The following GIMAP4 variants were observed in gnomAD, a reference collection of about 807,000 sequenced individuals.
The protein encoded by GIMAP4 is GTPase IMAP family member 4.
In GIMAP4, 12 loss-of-function variants were observed where a neutral mutation model predicts 10.8. The observed-to-expected ratio is 1.11, with a 90% CI of 0.71 to 1.81. The LOEUF (loss-of-function observed/expected upper bound fraction) is 1.81, where lower values mean the gene tolerates loss of function less well. Among genes scored for constraint, GIMAP4 ranks in the 40% most tolerant of loss-of-function variants. GIMAP4 has a pLI of 0.00. For synonymous variants in GIMAP4, 149 were observed against 147.2 expected, an observed-to-expected ratio of 1.01 and a Z score of -0.09; for missense variants, 412 against 404.6, an observed-to-expected ratio of 1.02 and a Z score of -0.16.
chr7:150,568,502 G>A (rs1028406068), intron 1 of GIMAP4, among the ~76,000 whole-genome samples: 13 of 152,114 alleles, frequency 8.5e-5, no homozygotes, highest in African/African-American at 2.9e-4. Flanking sequence ...ATTGCAAAAT[G>A]TTTGTAGGTA....
At position 150,572,175 on chromosome 7, in the gene GIMAP4, A is replaced by T. The variant is rs769336067; in HGVS notation, c.105A>T (p.Leu35Phe). 6.2e-7 allele frequency: 1 copy of T among 1,613,880 alleles called. No individual in the cohort carries two copies. Among genetic ancestry groups the T allele is most frequent in the South Asian group, 1.1e-5 (1 of 91,080 alleles). Residue 35 changes from leucine (L) to phenylalanine (F), a missense_variant, in exon 3 of 3, where the codon TTA becomes TTT. Leu to Phe is a conservative substitution (Grantham distance 22). Coordinates refer to ENST00000255945, the MANE Select transcript of GIMAP4 (RefSeq NM_018326.3). ...EPRNSQLRIVLVGKTGAGKSA... is the reference protein window; with the variant it reads ...EPRNSQLRIVFVGKTGAGKSA... ...GAAATTCCCAATTGAGAATTGTGTT[A>T]GTGGGTAAAACCGGAGCAGGAAAAA...
intron 1 of GIMAP4, among the ~76,000 whole-genome samples, 176 bp from the exon 2 acceptor site, chr7:150,569,712 C>CA: frequency 6.6e-6 from 1 of 152,156 alleles, no homozygotes; most frequent in South Asian, 2.1e-4. Context: ...GAAAAAGGAA[C>CA]AATCTGAAAA....
At position 150,569,911 on chromosome 7, in the gene GIMAP4, C is replaced by T. The variant is rs199802079; in HGVS notation, c.10C>T (p.Gln4Ter). The T allele has an allele frequency of 9.5e-6, 15 of 1,574,002 alleles. No individual in the cohort carries two copies. Among genetic ancestry groups the T allele is most frequent in the Non-Finnish European group, 1.7e-6 (2 of 1,144,280 alleles). ...AGGAGTTCAAGCGACAATGGCAGCC[C>T]AATACGGCAGTATGAGCTTCAACCC... MAA[Q>*]YGSMSFNPST... The change falls in exon 2 of 3, where the codon CAA becomes TAA. Residue 4 changes from glutamine (Q) to a stop codon, truncating the protein, a stop_gained. Transcript: ENST00000255945. LOFTEE classifies it high-confidence loss of function.
At chr7:150,568,482 A>G (rs1374875687) in intron 1 of GIMAP4, among the ~76,000 whole-genome samples, 1 of 152,240 alleles carries the variant, frequency 6.6e-6, no homozygotes, top group Non-Finnish European at 1.5e-5. Context: ...TTCTTCAAAT[A>G]TCTTTCTCCA....
rs1326531778 is a variant in GIMAP4 at position 150,572,942 on chromosome 7, C to T, written c.872C>T (p.Ala291Val). ...KKLAEQEAHYAVRQQRARTEV... is the reference protein window; with the variant it reads ...KKLAEQEAHYVVRQQRARTEV... The stretch of plus-strand genomic sequence containing the variant: ...CTAGCAGAACAGGAGGCTCACTATG[C>T]TGTAAGGCAGCAAAGGGCAAGAACG... Residue 291 changes from alanine to valine, a missense_variant, in exon 3 of 3, where the codon GCT (alanine) becomes GTT (valine). Physicochemically the swap from Ala to Val is moderately conservative, Grantham distance 64. Coordinates refer to ENST00000255945, the MANE Select transcript of GIMAP4 (RefSeq NM_018326.3). 1.3e-5 allele frequency: 21 copies of T among 1,613,882 alleles called. No homozygotes were observed. Among genetic ancestry groups the T allele is most frequent in the Non-Finnish European group, 1.8e-5 (21 of 1,179,770 alleles).
At position 150,572,303 on chromosome 7, in the gene GIMAP4, A is replaced by G; in HGVS notation, c.233A>G (p.Glu78Gly). ...GAGAAACGCAGCAGCTCATGGAAGGAAACAGAACTTGTCGTAGTTGACACA... is the reference window on the plus strand; with the variant it reads ...GAGAAACGCAGCAGCTCATGGAAGGGAACAGAACTTGTCGTAGTTGACACA... ...KCEKRSSSWK[E>G]TELVVVDTPG... is the part of the protein sequence containing the mutation. The change falls in exon 3 of 3, where the codon GAA becomes GGA. Residue 78 changes from glutamate (E) to glycine (G), a missense_variant. By Grantham distance (98) the Glu-to-Gly change is moderately conservative (BLOSUM62 -2). Coordinates refer to ENST00000255945, the MANE Select transcript of GIMAP4 (RefSeq NM_018326.3). The G allele has an allele frequency of 6.2e-7, 1 of 1,614,186 alleles. No homozygotes were observed. The highest frequency in any genetic ancestry group is 8.5e-7 in the Non-Finnish European group (1 of 1,180,014).
rs74557370 is a variant in GIMAP4 at position 150,572,442 on chromosome 7, C to T, written c.372C>T (p.Gly124=). The T allele has an allele frequency of 3.9e-4, 633 of 1,614,016 alleles. 6 individuals are homozygous for T. The East Asian group carries it at 0.014, about 36-fold the overall frequency. Residue 124 remains glycine, a synonymous_variant, in exon 3 of 3, where the codon GGC becomes GGT. Coordinates refer to ENST00000255945, the MANE Select transcript of GIMAP4 (RefSeq NM_018326.3). The part of the protein sequence containing the change: ...PHALLLVVPL[G]RYTEEEHKAT... ...CTCTGCTTCTGGTGGTTCCACTGGG[C>T]CGTTACACTGAGGAAGAGCACAAAG...
chr7:150,571,578 T>C (rs1437808508), intron 2 of GIMAP4, among the ~76,000 whole-genome samples: 1 of 152,068 alleles, frequency 6.6e-6, no homozygotes, highest in Non-Finnish European at 1.5e-5. Context: ...GTCAGCAGTT[T>C]GAGACCGGCC....
intron 1 of GIMAP4, among the ~76,000 whole-genome samples, chr7:150,569,591 G>A (rs1795704687): frequency 6.6e-6 from 1 of 152,162 alleles, no homozygotes; most frequent in Non-Finnish European, 1.5e-5. Context: ...TGAGGAGGGT[G>A]TAGGCTACAG....
chr7:150,571,637 C>T (rs1018241942), intron 2 of GIMAP4, among the ~76,000 whole-genome samples: 6 of 152,058 alleles, frequency 3.9e-5, no homozygotes, highest in African/African-American at 7.2e-5. Flanking sequence ...AAAAATTATC[C>T]GGGCATGGTG....
intron 2 of GIMAP4, among the ~76,000 whole-genome samples, chr7:150,571,309 G>A (rs1043596904): frequency 2.0e-5 from 3 of 152,090 alleles, no homozygotes; most frequent in Admixed American, 2.0e-4. Context: ...CCAGAATTCT[G>A]GTTATCAAAC....
intron 1 of GIMAP4, among the ~76,000 whole-genome samples, chr7:150,569,627 C>T (rs1300303838): frequency 1.3e-5 from 2 of 151,954 alleles, no homozygotes; most frequent in Admixed American, 6.6e-5. Flanking sequence ...ATCCAAGCCA[C>T]GAATCTCTAG....
At position 150,569,869 on chromosome 7, in the gene GIMAP4, T is replaced by G; in HGVS notation, c.-14-19T>G. On this transcript the variant is annotated intron_variant, in intron 1 of 2. Transcript: ENST00000255945. ...TTCCATTTCCCTAAAATGACATGGT[T>G]ATGTTTCTTGATCTACAGGAGTTCA... The G allele has an allele frequency of 9.2e-7, 1 of 1,086,466 alleles. No homozygotes were observed. The highest frequency in any genetic ancestry group is 1.2e-5 in the South Asian group (1 of 80,174). 67.3% of individuals were successfully genotyped at this position (1,086,466 alleles called of 1,614,324 possible).
At chr7:150,568,026 A>G (rs1051626387) in intron 1 of GIMAP4, among the ~76,000 whole-genome samples, 10 of 152,166 alleles carry the variant, frequency 6.6e-5, no homozygotes, top group African/African-American at 2.2e-4. Flanking sequence ...CTGGATGCTG[A>G]TGGGTGCTTG....
rs1795760056 is a variant in GIMAP4 at position 150,573,235 on chromosome 7, C to T, written c.*175C>T. On this transcript the variant is annotated 3_prime_UTR_variant, in exon 3 of 3. Transcript: ENST00000255945. The stretch of plus-strand genomic sequence containing the variant: ...ACTTAACAAGAGAGGGACAAATTTT[C>T]AATTTGTGAAACTCCAAAGCAGAAA... 4 of 562,808 alleles carry T rather than the reference C, an allele frequency of 7.1e-6. No individual in the cohort carries two copies. The highest frequency in any genetic ancestry group is 2.4e-5 in the South Asian group (1 of 42,222). The allele number at this position is 562,808 out of a possible 1,614,324, so 34.9% of individuals were successfully genotyped here.
Position 150,572,708 on chromosome 7 carries a change from T to C in GIMAP4, c.638T>C (p.Val213Ala). The C allele has an allele frequency of 6.2e-7, 1 of 1,613,942 alleles. No homozygotes were observed. Among genetic ancestry groups the C allele is most frequent in the Non-Finnish European group, 8.5e-7 (1 of 1,179,986 alleles). Residue 213 changes from valine (V) to alanine (A), a missense_variant, in exon 3 of 3, where the codon GTG (valine) becomes GCG (alanine). Coordinates refer to ENST00000255945, the MANE Select transcript of GIMAP4 (RefSeq NM_018326.3). ...AQLLGLIQRV[V>A]RENKEGCYTN... ...TTGCTGGGCCTGATCCAGCGCGTGG[T>C]GAGGGAGAACAAGGAAGGCTGCTAC...
intron 2 of GIMAP4, among the ~76,000 whole-genome samples, chr7:150,571,584 C>G (rs1352062821): frequency 6.6e-6 from 1 of 152,048 alleles, no homozygotes; most frequent in Non-Finnish European, 1.5e-5. Flanking sequence ...AGTTTGAGAC[C>G]GGCCTGATCA....
chr7:150,572,288 G>A lies in GIMAP4; in HGVS notation c.218G>A (p.Ser73Asn). Residue 73 changes from serine to asparagine, a missense_variant, in exon 3 of 3, where the codon AGC becomes AAC. Physicochemically the swap from Ser to Asn is conservative, Grantham distance 46. Transcript: ENST00000255945. Reference protein sequence around the residue: ...KSITKKCEKRSSSWKETELVV... With the variant: ...KSITKKCEKRNSSWKETELVV... ...ATTACCAAGAAGTGTGAGAAACGCA[G>A]CAGCTCATGGAAGGAAACAGAACTT... 2 of 1,614,200 alleles carry A rather than the reference G, an allele frequency of 1.2e-6. No individual in the cohort carries two copies. Among genetic ancestry groups the A allele is most frequent in the Non-Finnish European group, 1.7e-6 (2 of 1,180,022 alleles).
chr7:150,573,174 A>G lies in GIMAP4; in HGVS notation c.*114A>G. The stretch of plus-strand genomic sequence containing the variant: ...TTCTGTCTCTCAGGCACTCGTAACT[A>G]AGGACCACCATTGGCCATTGGTAGA... On this transcript the variant is annotated 3_prime_UTR_variant, in exon 3 of 3. Coordinates refer to ENST00000255945, the MANE Select transcript of GIMAP4 (RefSeq NM_018326.3). 1 of 663,158 alleles carries G rather than the reference A, an allele frequency of 1.5e-6. No individual in the cohort carries two copies. Among genetic ancestry groups the G allele is most frequent in the Admixed American group, 2.9e-5 (1 of 34,778 alleles). The allele number at this position is 663,158 out of a possible 1,614,324, so 41.1% of individuals were successfully genotyped here.
Sources: allele counts gnomAD v4.1 joint callset (sites outside exome capture counted in the v4.1 genomes callset), GRCh38; gene constraint gnomAD v4.1.1; transcripts MANE v1.5; gene names NCBI Gene and HGNC (gene_info 2026-07-23, HGNC 2026-07-21).